The following TDRD3 variants were observed in gnomAD, a reference collection of about 807,000 sequenced individuals.
TDRD3 encodes the protein tudor domain-containing protein 3.
A neutral mutation model predicts 86.7 loss-of-function variants in TDRD3; 45 were observed. The ratio of observed to expected loss-of-function variants is 0.52; its 90% CI spans 0.41 to 0.67. TDRD3 has a LOEUF of 0.67. TDRD3 is among the 30% of genes least tolerant of loss of function. The probability of loss-of-function intolerance (pLI) is 0.00; values close to 1 mark genes in which losing one functional copy is unlikely to be tolerated. For missense variants in TDRD3, 814 were observed against 889.0 expected (o/e 0.92, Z 1.07); for synonymous variants, 298 against 301.7 (o/e 0.99, Z 0.13).
chr13:60,485,963 C>A lies in TDRD3; in HGVS notation c.717+15C>A, dbSNP rs1410376181. The stretch of plus-strand genomic sequence containing the variant: ...AGAGCAAGGAAGTAAGAAATCAAAT[C>A]ATTACACGTTTTATTTCTTATCATT... On this transcript the variant is annotated intron_variant, in intron 7 of 13. Coordinates refer to ENST00000377881, the MANE Select transcript of TDRD3 (RefSeq NM_001146070.2). The A allele has an allele frequency of 6.3e-7, 1 of 1,587,660 alleles. No homozygotes were observed. The highest frequency in any genetic ancestry group is 1.4e-5 in the African/African-American group (1 of 73,636).
At chr13:60,555,995 C>T (rs866546685) in intron 12 of TDRD3, among the ~76,000 whole-genome samples, 39 of 152,062 alleles carry the variant, frequency 2.6e-4, no homozygotes, top group Middle Eastern at 3.4e-3. Flanking sequence ...GGACTACAGG[C>T]GCCCGCCACC....
chr13:60,495,518 CA>C (rs1388829707), intron 8 of TDRD3, among the ~76,000 whole-genome samples: 1 of 151,536 alleles, frequency 6.6e-6, no homozygotes, highest in Non-Finnish European at 1.5e-5. Context: ...GGCTGGAGTG[CA>C]ATGGCTCAAT....
At chr13:60,536,967 T>A (rs999325231) in intron 12 of TDRD3, 6 of 152,096 alleles carry the variant, frequency 3.9e-5, no homozygotes, top group African/African-American at 1.4e-4. Flanking sequence ...AATAAATTTA[T>A]CAGGTGTACA....
At chr13:60,418,160 C>T (rs1954571145) in intron 1 of TDRD3, among the ~76,000 whole-genome samples, 1 of 152,112 alleles carries the variant, frequency 6.6e-6, no homozygotes, top group Non-Finnish European at 1.5e-5. Flanking sequence ...ACCTCTCCAG[C>T]AGTTTATGCT....
At chr13:60,526,053 G>C (rs1031815898) in intron 10 of TDRD3, among the ~76,000 whole-genome samples, 1 of 152,038 alleles carries the variant, frequency 6.6e-6, no homozygotes, top group African/African-American at 2.4e-5. Flanking sequence ...TGTATGCATC[G>C]TTATTCATCC....
chr13:60,516,697 A>G (rs1006248915), intron 10 of TDRD3, among the ~76,000 whole-genome samples: 5 of 152,210 alleles, frequency 3.3e-5, no homozygotes, highest in African/African-American at 1.2e-4. Flanking sequence ...CAAATTAGAT[A>G]ATGTATATGA....
intron 1 of TDRD3, among the ~76,000 whole-genome samples, chr13:60,423,081 T>TA (rs1954703713): frequency 6.6e-6 from 1 of 152,094 alleles, no homozygotes; most frequent in African/African-American, 2.4e-5. Flanking sequence ...GCAAAAGAAT[T>TA]ATAGTAGCAT....
At chr13:60,454,468 T>C (rs1415268878) in intron 3 of TDRD3, among the ~76,000 whole-genome samples, 1 of 152,214 alleles carries the variant, frequency 6.6e-6, no homozygotes, top group East Asian at 1.9e-4. Flanking sequence ...TATGATTTCA[T>C]TTTTCTTGAT....
chr13:60,447,473 A>G (rs1227458545), intron 3 of TDRD3, among the ~76,000 whole-genome samples: 2 of 152,212 alleles, frequency 1.3e-5, no homozygotes, highest in African/African-American at 2.4e-5. Context: ...TACAATGCAT[A>G]TGGCAAGCTT....
intron 5 of TDRD3, among the ~76,000 whole-genome samples, chr13:60,475,803 C>G (rs1422844116): frequency 6.6e-6 from 1 of 152,112 alleles, no homozygotes; most frequent in African/African-American, 2.4e-5. Flanking sequence ...TGATAATGAG[C>G]ATTTTTTTCA....
At chr13:60,497,734 C>A (rs1189913944) in intron 8 of TDRD3, among the ~76,000 whole-genome samples, 3 of 151,894 alleles carry the variant, frequency 2.0e-5, no homozygotes, top group South Asian at 2.1e-4. Context: ...GTGGGTGGGC[C>A]CTGATGAAGC....
intron 10 of TDRD3, among the ~76,000 whole-genome samples, chr13:60,527,287 C>A (rs556595280): frequency 2.9e-4 from 44 of 152,312 alleles, no homozygotes; most frequent in African/African-American, 1.0e-3. Context: ...TGATAGTCAA[C>A]ATCCCTGGGG....
chr13:60,421,207 T>C (rs1954646667), intron 1 of TDRD3, among the ~76,000 whole-genome samples: 2 of 149,930 alleles, frequency 1.3e-5, no homozygotes. Flanking sequence ...AAAAAAGAGG[T>C]TTAATGGACT....
intron 1 of TDRD3, among the ~76,000 whole-genome samples, chr13:60,438,667 CT>C (rs936079443): frequency 3.9e-5 from 6 of 151,972 alleles, no homozygotes; most frequent in Non-Finnish European, 7.4e-5. Flanking sequence ...CTTAAAGGCA[CT>C]TTTTTTTGGT....
intron 6 of TDRD3, 76 bp from the exon 7 acceptor site, chr13:60,485,723 G>A (rs1956417255): frequency 8.7e-7 from 1 of 1,154,650 alleles, no homozygotes; most frequent in South Asian, 2.5e-5. Context: ...TACTTTTGAA[G>A]AAGTATTACT....
chr13:60,541,871 G>T (rs1399275238), intron 12 of TDRD3, among the ~76,000 whole-genome samples: 1 of 151,668 alleles, frequency 6.6e-6, no homozygotes, highest in Non-Finnish European at 1.5e-5. Context: ...AGGATTACAG[G>T]CATGGGCCAC....
At chr13:60,494,218 T>G (rs1956663847) in intron 7 of TDRD3, among the ~76,000 whole-genome samples, 1 of 152,198 alleles carries the variant, frequency 6.6e-6, no homozygotes, top group African/African-American at 2.4e-5. Context: ...ACAAATCATG[T>G]AATTATTTTT....
At chr13:60,493,094 A>G (rs1309038445) in intron 7 of TDRD3, among the ~76,000 whole-genome samples, 1 of 150,758 alleles carries the variant, frequency 6.6e-6, no homozygotes, top group African/African-American at 2.4e-5. Context: ...AATTTTTTGT[A>G]TTTTTAGTAG....
intron 1 of TDRD3, among the ~76,000 whole-genome samples, chr13:60,435,423 A>G (rs1291773150): frequency 6.6e-6 from 1 of 152,040 alleles, no homozygotes; most frequent in Non-Finnish European, 1.5e-5. Flanking sequence ...ACCCTCTCCA[A>G]ACCTACCCCA....
Sources: gnomAD v4.1 joint callset for allele counts (sites outside exome capture counted in the v4.1 genomes callset) on GRCh38, gnomAD v4.1.1 for gene constraint, MANE v1.5 for transcripts, NCBI Gene and HGNC (gene_info 2026-07-23, HGNC 2026-07-21) for gene names.